FLT4: variants seen among roughly 807,000 people sequenced by gnomAD.
The protein encoded by FLT4 is fms related receptor tyrosine kinase 4.
A neutral mutation model predicts 163.2 loss-of-function variants in FLT4; 30 were observed. That is an observed-to-expected ratio of 0.18 (90% confidence interval 0.14 to 0.25). The LOEUF is 0.25. Among genes scored for constraint, FLT4 ranks in the 10% least tolerant of loss-of-function variants. The pLI, the probability that FLT4 is intolerant of heterozygous loss-of-function variation, is 1.00. For missense variants in FLT4, 1,510 were observed against 1,863.8 expected (o/e 0.81, Z 3.50); for synonymous variants, 884 against 789.5 (o/e 1.12, Z -2.01).
intron 8 of FLT4, 115 bp downstream of exon 8, chr5:180,628,767 G>C (rs905491523): frequency 1.3e-6 from 1 of 742,326 alleles, no homozygotes; most frequent in African/African-American, 1.7e-5. Context: ...CGCCATGCCT[G>C]GTCTCCGTGT....
At chr5:180,644,653 C>T (rs533043592) in intron 1 of FLT4, among the ~76,000 whole-genome samples, 10 of 152,244 alleles carry the variant, frequency 6.6e-5, no homozygotes, top group Non-Finnish European at 1.5e-4. Context: ...GTCTGCGTGA[C>T]GAGGTTAAAA....
intron 1 of FLT4, among the ~76,000 whole-genome samples, chr5:180,638,813 C>T (rs1320144397): frequency 6.6e-6 from 1 of 152,204 alleles, no homozygotes; most frequent in African/African-American, 2.4e-5. Flanking sequence ...TTTCCTGTCC[C>T]AACTTGGAAT....
rs144964143 is a variant in FLT4, at chr5:180,630,721, C to T, written c.234G>A (p.Thr78=). 100 of 1,611,962 alleles carry T rather than the reference C, an allele frequency of 6.2e-5. No homozygotes were observed. The African/African-American group carries it at 1.0e-3, about 16-fold the overall frequency. Reference sequence around the variant, plus strand: ...TGCCCTCGCAGTCTCGCACCACCCCCGTGTCCTCGCTGTCCTTGTCTCCGG... The same window carrying T: ...TGCCCTCGCAGTCTCGCACCACCCCTGTGTCCTCGCTGTCCTTGTCTCCGG... ...PATGDKDSED[T]GVVRDCEGTD... Residue 78 remains threonine (T), a synonymous_variant, in exon 3 of 30, where the codon ACG becomes ACA. Coordinates refer to ENST00000261937, the MANE Select transcript of FLT4 (RefSeq NM_182925.5). This position sits in a 1 kb window ranked among gnomAD's most constrained non-coding sequence, Gnocchi z 6.3.
chr5:180,637,787 C>T (rs1212379031), intron 1 of FLT4, among the ~76,000 whole-genome samples: 1 of 152,208 alleles, frequency 6.6e-6, no homozygotes, highest in Non-Finnish European at 1.5e-5. Context: ...GCCTCGGCCT[C>T]TCAAAGTGCT....
At position 180,612,663 on chromosome 5, in the gene FLT4, G is replaced by A. The variant is rs530447662; in HGVS notation, c.3432-52C>T. ...TGCATGCACCCCACCCCCGTCCCAGGACCTTCAGTGCCCCAGCCTTCCTGG... is the reference window on the plus strand; with the variant it reads ...TGCATGCACCCCACCCCCGTCCCAGAACCTTCAGTGCCCCAGCCTTCCTGG... On this transcript the variant is annotated intron_variant, in intron 25 of 29. Transcript: ENST00000261937. 96 of 1,344,536 alleles carry A rather than the reference G, an allele frequency of 7.1e-5. 1 individual carries two copies. In the Admixed American group the frequency reaches 1.6e-3, roughly 22 times the overall value. The allele number at this position is 1,344,536 out of a possible 1,614,324, so 83.3% of individuals were successfully genotyped here. A position where few individuals can be genotyped will look rare whatever the true frequency, so the allele number is the denominator to read the frequency against.
intron 8 of FLT4, among the ~76,000 whole-genome samples, chr5:180,627,728 G>T (rs768483690): frequency 1.3e-5 from 2 of 152,182 alleles, no homozygotes; most frequent in Non-Finnish European, 2.9e-5. Flanking sequence ...GACCCTGGAC[G>T]CAACAGAGCT....
chr5:180,625,762 G>A, intron 10 of FLT4, 107 bp downstream of exon 10: 1 of 1,029,794 alleles, frequency 9.7e-7, no homozygotes, highest in Non-Finnish European at 1.5e-6. Context: ...CCTGAGAAGG[G>A]GTACAGGGAA....
At chr5:180,612,957 C>G in intron 25 of FLT4, 54 bp downstream of exon 25, 1 of 1,391,398 alleles carries the variant, frequency 7.2e-7, no homozygotes, top group Non-Finnish European at 1.0e-6. Context: ...ACACAACCCC[C>G]ACGCCCCCGA....
chr5:180,629,471 G>A, intron 6 of FLT4, 44 bp from the exon 7 acceptor site: 1 of 1,603,482 alleles, frequency 6.2e-7, no homozygotes, highest in Non-Finnish European at 8.5e-7. Context: ...GCGGGCTCCT[G>A]CACAGCTACC....
chr5:180,603,857 T>C (rs926347557), intron 29 of FLT4, among the ~76,000 whole-genome samples: 6 of 150,556 alleles, frequency 4.0e-5, no homozygotes, highest in African/African-American at 1.5e-4. Context: ...TGAGCTGAGA[T>C]CGCACCACTG....
At position 180,602,318 on chromosome 5, in the gene FLT4, G is replaced by C. The variant is rs1761556244; in HGVS notation, c.*874C>G. 3.5e-6 allele frequency: 1 copy of C among 282,822 alleles called. No individual in the cohort carries two copies. Among genetic ancestry groups the C allele is most frequent in the Non-Finnish European group, 6.6e-6 (1 of 152,232 alleles). 17.5% of individuals were successfully genotyped at this position (282,822 alleles called of 1,614,324 possible). A position where few individuals can be genotyped will look rare whatever the true frequency, so the allele number is the denominator to read the frequency against. ...ACCAGACCGGCAGCTCCAGACCCAG[G>C]CTCCTCGGAGTCTGGGCCAGGTGGG... is the stretch of plus-strand genomic sequence containing the variant. On this transcript the variant is annotated 3_prime_UTR_variant, in exon 30 of 30. Coordinates refer to ENST00000261937, the MANE Select transcript of FLT4 (RefSeq NM_182925.5).
At position 180,649,531 on chromosome 5, in the gene FLT4, G is replaced by A. The variant is rs903835895; in HGVS notation, c.15C>T (p.Ala5=). 6.9e-6 allele frequency: 10 copies of A among 1,441,358 alleles called. No homozygotes were observed. Among genetic ancestry groups the A allele is most frequent in the African/African-American group, 3.0e-5 (2 of 67,450 alleles). The allele number at this position is 1,441,358 out of a possible 1,614,324, so 89.3% of individuals were successfully genotyped here. Reference sequence around the variant, plus strand: ...AGAGCCACAGTCGCAGGCACAGCGCGGCGCCCCGCTGCATCTCCGGCCGCT... The same window carrying A: ...AGAGCCACAGTCGCAGGCACAGCGCAGCGCCCCGCTGCATCTCCGGCCGCT... MQRG[A]ALCLRLWLCL... Residue 5 remains alanine (A), a synonymous_variant, in exon 1 of 30, where the codon GCC becomes GCT. Transcript: ENST00000261937.
chr5:180,609,745 C>T, intron 28 of FLT4, 160 bp downstream of exon 28: 1 of 828,178 alleles, frequency 1.2e-6, no homozygotes, highest in Non-Finnish European at 2.0e-6. Context: ...CGTGGCATCG[C>T]AGGAGGGCCC....
chr5:180,602,912 C>T lies in FLT4; in HGVS notation c.*280G>A, dbSNP rs964856178. 6.6e-5 allele frequency: 39 copies of T among 589,566 alleles called. No homozygotes were observed. Among genetic ancestry groups the T allele is most frequent in the Middle Eastern group, 4.4e-4 (1 of 2,250 alleles). The allele number at this position is 589,566 out of a possible 1,614,324, so 36.5% of individuals were successfully genotyped here. A position where few individuals can be genotyped will look rare whatever the true frequency, so the allele number is the denominator to read the frequency against. On this transcript the variant is annotated 3_prime_UTR_variant, in exon 30 of 30. Transcript: ENST00000261937. ...GACATTCCCATGGAAGTGCTGGCCC[C>T]GGGACCAGCACCTGCGGATGCTGAA... is the stretch of plus-strand genomic sequence containing the variant.
chr5:180,611,380 C>T lies in FLT4; in HGVS notation c.3637G>A (p.Asp1213Asn), dbSNP rs2127791302. 1.2e-6 allele frequency: 2 copies of T among 1,614,044 alleles called. No homozygotes were observed. Among genetic ancestry groups the T allele is most frequent in the Non-Finnish European group, 1.7e-6 (2 of 1,180,016 alleles). Residue 1213 changes from aspartate to asparagine, a missense_variant, in exon 27 of 30, where the codon GAC becomes AAC. By Grantham distance (23) the Asp-to-Asn change is conservative. Around this residue, in one of 5 missense-constraint regions of FLT4, gnomAD observed 295 missense variants for 311.0 expected, o/e 0.95. Coordinates refer to ENST00000261937, the MANE Select transcript of FLT4 (RefSeq NM_182925.5). ...AGGCTTGGCGGGCTGTCCTCAGCGT[C>T]AGCCTGGGCGATGTGTAGGGCCATG... ...STMALHIAQA[D>N]AEDSPPSLQR...
rs2127811070 is a variant in FLT4, at chr5:180,620,300, G to A, written c.2415C>T (p.His805=). The A allele has an allele frequency of 6.2e-7, 1 of 1,611,672 alleles. No individual in the cohort carries two copies. ...LIFCNMRRPA[H]ADIKTGYLSI... ...ACAGGTAGCCCGTCTTGATGTCTGC[G>A]TGGGCCGGCTGCGGGGAGGGGACAG... Residue 805 remains histidine, a synonymous_variant, in exon 17 of 30, where the codon CAC becomes CAT. Coordinates refer to ENST00000261937, the MANE Select transcript of FLT4 (RefSeq NM_182925.5). The surrounding 1 kb of genome is among the most constrained non-coding windows in gnomAD (Gnocchi z 4.4).
intron 1 of FLT4, among the ~76,000 whole-genome samples, chr5:180,635,961 G>T (rs1479849440): frequency 3.6e-5 from 5 of 136,988 alleles, no homozygotes; most frequent in Non-Finnish European, 8.0e-5. Context: ...GGATGGGTGG[G>T]TGGGTGGATG....
At chr5:180,648,219 G>A (rs1765574118) in intron 1 of FLT4, among the ~76,000 whole-genome samples, 1 of 152,194 alleles carries the variant, frequency 6.6e-6, no homozygotes, top group Non-Finnish European at 1.5e-5. Context: ...GCCCTGATCT[G>A]GCCTGCCCGA....
At chr5:180,635,898 T>A in intron 1 of FLT4, among the ~76,000 whole-genome samples, 2 of 68,242 alleles carry the variant, frequency 2.9e-5, no homozygotes, top group South Asian at 5.4e-4. Flanking sequence ...GGAGTATGGG[T>A]GGATGGGTGG....
Sources: gnomAD v4.1 joint callset for allele counts (sites outside exome capture counted in the v4.1 genomes callset) on GRCh38, gnomAD v4.1.1 for gene constraint, gnomAD v4.1.1 regional missense constraint, Gnocchi (gnomAD v3.1) non-coding constraint, MANE v1.5 for transcripts, NCBI Gene and HGNC (gene_info 2026-07-23, HGNC 2026-07-21) for gene names.